Variants in JAKMIP2 observed in about 807,000 individuals in gnomAD.
JAKMIP2 encodes janus kinase and microtubule interacting protein 2.
In JAKMIP2, 25 loss-of-function variants were observed where a neutral mutation model predicts 115.0. The ratio of observed to expected loss-of-function variants is 0.22; its 90% CI spans 0.16 to 0.30. JAKMIP2 has a LOEUF of 0.30. JAKMIP2 is among the 10% of genes least tolerant of loss of function. JAKMIP2 has a pLI of 1.00. For missense variants in JAKMIP2, 642 were observed against 957.6 expected (o/e 0.67, Z 4.35); for synonymous variants, 334 against 343.6 (o/e 0.97, Z 0.31).
chr5:147,648,062 G>T (rs1396225568), intron 5 of JAKMIP2, among the ~76,000 whole-genome samples: 3 of 152,116 alleles, frequency 2.0e-5, no homozygotes, highest in African/African-American at 2.4e-5. Flanking sequence ...AGAAAATATT[G>T]TATGATTTCA....
intron 20 of JAKMIP2, among the ~76,000 whole-genome samples, chr5:147,607,514 G>T (rs1046588574): frequency 6.6e-6 from 1 of 152,170 alleles, no homozygotes; most frequent in Non-Finnish European, 1.5e-5. Flanking sequence ...TTGCATCCCA[G>T]GGATGAAGCC....
At chr5:147,726,768 G>A (rs10037199) in intron 1 of JAKMIP2, among the ~76,000 whole-genome samples, 2,886 of 152,252 alleles carry the variant, frequency 0.019, 98 homozygotes, top group African/African-American at 0.065. Context: ...TTTCCTTCTC[G>A]TCTTGTTTTA....
chr5:147,641,643 C>T, intron 8 of JAKMIP2, 65 bp downstream of exon 8: 2 of 1,144,120 alleles, frequency 1.7e-6, no homozygotes, highest in Admixed American at 3.6e-5. Context: ...TAGGAAGATT[C>T]CATGCCAAGC....
intron 3 of JAKMIP2, among the ~76,000 whole-genome samples, chr5:147,652,003 C>T (rs1758419768): frequency 6.6e-6 from 1 of 152,138 alleles, no homozygotes; most frequent in Non-Finnish European, 1.5e-5. Context: ...TTTATGTACT[C>T]ACCTTGTTAA....
intron 1 of JAKMIP2, among the ~76,000 whole-genome samples, chr5:147,677,628 T>C (rs867199056): frequency 2.0e-5 from 3 of 152,364 alleles, no homozygotes; most frequent in South Asian, 2.1e-4. Flanking sequence ...CATCTTTTAG[T>C]GTTTAGGCAG....
At chr5:147,651,088 G>A (rs1758374044) in intron 3 of JAKMIP2, among the ~76,000 whole-genome samples, 1 of 129,856 alleles carries the variant, frequency 7.7e-6, no homozygotes, top group Non-Finnish European at 1.8e-5. Flanking sequence ...TTTGGAGGGA[G>A]GTCCTTCCAC....
At chr5:147,773,329 T>C (rs914680225) in intron 1 of JAKMIP2, among the ~76,000 whole-genome samples, 2 of 152,152 alleles carry the variant, frequency 1.3e-5, no homozygotes, top group Non-Finnish European at 2.9e-5. Context: ...AAGGCTATGA[T>C]TAGTGATGGC....
At chr5:147,776,644 C>T (rs1353673020) in intron 1 of JAKMIP2, among the ~76,000 whole-genome samples, 1 of 152,120 alleles carries the variant, frequency 6.6e-6, no homozygotes, top group Non-Finnish European at 1.5e-5. Flanking sequence ...AACTACAGGA[C>T]AGGCTGGGCA....
chr5:147,713,787 G>A (rs1752868517), intron 1 of JAKMIP2, among the ~76,000 whole-genome samples: 1 of 152,198 alleles, frequency 6.6e-6, no homozygotes, highest in Non-Finnish European at 1.5e-5. Flanking sequence ...ATGGGGGCTA[G>A]ATGGAAATAG....
intron 2 of JAKMIP2, among the ~76,000 whole-genome samples, chr5:147,665,451 T>A (rs1052343538): frequency 1.3e-5 from 2 of 152,222 alleles, no homozygotes; most frequent in Admixed American, 6.5e-5. Context: ...GTGATAGGAA[T>A]TTAGTCATCT....
intron 21 of JAKMIP2, among the ~76,000 whole-genome samples, chr5:147,598,987 T>A (rs1165289195): frequency 1.3e-5 from 2 of 152,210 alleles, no homozygotes; most frequent in Non-Finnish European, 2.9e-5. Flanking sequence ...TTCCCTAATA[T>A]TATTTAAAGC....
rs149499571 is a variant in JAKMIP2 at position 147,640,511 on chromosome 5, A to G, written c.1401+193T>C. 1.6e-4 allele frequency among the ~76,000 whole-genome samples: 25 copies of G among 152,370 alleles called. No homozygotes were observed. The East Asian group carries it at 4.8e-3, about 29-fold the overall frequency. ...AGAGTTGAACTGGAGAGAAATTTCT[A>G]AAAGGTTTACCTGCTATAAGTGAAG... On this transcript the variant is annotated intron_variant, in intron 9 of 21. Coordinates refer to ENST00000616793, the MANE Select transcript of JAKMIP2 (RefSeq NM_001270941.2).
At chr5:147,722,958 G>C (rs1753373486) in intron 1 of JAKMIP2, among the ~76,000 whole-genome samples, 1 of 151,968 alleles carries the variant, frequency 6.6e-6, no homozygotes, top group South Asian at 2.1e-4. Flanking sequence ...CACAACATCA[G>C]CAAAGCATTT....
intron 1 of JAKMIP2, among the ~76,000 whole-genome samples, chr5:147,765,257 C>T (rs1011762205): frequency 6.6e-6 from 1 of 151,948 alleles, no homozygotes; most frequent in Non-Finnish European, 1.5e-5. Flanking sequence ...ATTGGTCACA[C>T]ACTTTCCAAA....
intron 18 of JAKMIP2, among the ~76,000 whole-genome samples, chr5:147,618,494 TG>T (rs1756693463): frequency 6.6e-6 from 1 of 152,100 alleles, no homozygotes; most frequent in Non-Finnish European, 1.5e-5. Flanking sequence ...CCCAGCACTT[TG>T]GGAGCCCGAG....
chr5:147,705,598 C>T (rs1442819245), intron 1 of JAKMIP2, among the ~76,000 whole-genome samples: 2 of 151,934 alleles, frequency 1.3e-5, no homozygotes, highest in Non-Finnish European at 2.9e-5. Context: ...TCCTGTGTGA[C>T]TTTTGGCAAC....
intron 1 of JAKMIP2, among the ~76,000 whole-genome samples, chr5:147,673,755 C>T (rs1009332920): frequency 9.2e-5 from 14 of 151,926 alleles, no homozygotes; most frequent in Admixed American, 9.2e-4. Flanking sequence ...GTGACCAGCA[C>T]CAATAGGCAA....
chr5:147,630,365 C>T (rs1158695018), intron 14 of JAKMIP2, among the ~76,000 whole-genome samples: 1 of 152,066 alleles, frequency 6.6e-6, no homozygotes, highest in East Asian at 1.9e-4. Flanking sequence ...TGTGATTTAT[C>T]TGAGAAAAAA....
At chr5:147,715,978 A>G (rs1402315805) in intron 1 of JAKMIP2, among the ~76,000 whole-genome samples, 1 of 126,064 alleles carries the variant, frequency 7.9e-6, no homozygotes, top group Admixed American at 7.9e-5. Flanking sequence ...ATATCTCCCA[A>G]TGCTATCCCT....
Sources: allele counts gnomAD v4.1 joint callset (sites outside exome capture counted in the v4.1 genomes callset), GRCh38; gene constraint gnomAD v4.1.1; transcripts MANE v1.5; gene names NCBI Gene and HGNC (gene_info 2026-07-23, HGNC 2026-07-21).